PSEN1: variants seen among roughly 807,000 people sequenced by gnomAD.
PSEN1 encodes presenilin-1.
In PSEN1, 15 loss-of-function variants were observed where a neutral mutation model predicts 53.5. That is an observed-to-expected ratio of 0.28 (90% CI 0.19 to 0.43). The LOEUF (loss-of-function observed/expected upper bound fraction) is 0.43. Among genes scored for constraint, PSEN1 ranks in the 20% least tolerant of loss-of-function variants. The probability of loss-of-function intolerance (pLI) is 1.00; values close to 1 mark genes in which losing one functional copy is unlikely to be tolerated. For missense variants in PSEN1, 387 were observed against 571.2 expected, an observed-to-expected ratio of 0.68 and a Z score of 3.29; for synonymous variants, 208 against 209.8, an observed-to-expected ratio of 0.99 and a Z score of 0.08.
At position 73,170,894 on chromosome 14, in the gene PSEN1, T is replaced by C; in HGVS notation, c.185T>C (p.Val62Ala). 1.2e-6 allele frequency: 2 copies of C among 1,613,924 alleles called. No homozygotes were observed. The highest frequency in any genetic ancestry group is 1.7e-6 in the Non-Finnish European group (2 of 1,179,984). ...NGRPQGNSRQ[V>A]VEQDEEEDEE... Reference sequence around the variant, plus strand: ...CGACCCCAGGGTAACTCCCGGCAGGTGGTGGAGCAAGATGAGGAAGAAGAT... The same window carrying C: ...CGACCCCAGGGTAACTCCCGGCAGGCGGTGGAGCAAGATGAGGAAGAAGAT... Residue 62 changes from valine (V) to alanine (A), a missense_variant, in exon 4 of 12, where the codon GTG becomes GCG. Val to Ala is a moderately conservative substitution (Grantham distance 64). Around this residue, in one of 4 missense-constraint regions of PSEN1, gnomAD observed 99 missense variants for 101.5 expected, o/e 0.98. Coordinates refer to ENST00000324501, the MANE Select transcript of PSEN1 (RefSeq NM_000021.4).
intron 7 of PSEN1, among the ~76,000 whole-genome samples, chr14:73,196,474 ATT>A (rs35294154): frequency 4.3e-3 from 435 of 102,244 alleles, no homozygotes; most frequent in African/African-American, 0.015. Context: ...GAGGCATGAA[ATT>A]TTTTTTTTTT....
intron 3 of PSEN1, among the ~76,000 whole-genome samples, chr14:73,167,517 C>T (rs905464206): frequency 6.6e-6 from 1 of 152,092 alleles, no homozygotes; most frequent in Non-Finnish European, 1.5e-5. Flanking sequence ...TCCTCATGAC[C>T]CAGTCACCTC....
chr14:73,169,708 C>T (rs1280621725), intron 3 of PSEN1, among the ~76,000 whole-genome samples: 37 of 151,804 alleles, frequency 2.4e-4, no homozygotes, highest in Admixed American at 2.2e-3. Context: ...CATAGTGGCA[C>T]GATCTCTGCT....
chr14:73,161,936 C>T (rs1160584345), intron 3 of PSEN1, among the ~76,000 whole-genome samples: 2 of 149,922 alleles, frequency 1.3e-5, no homozygotes, highest in African/African-American at 4.9e-5. Context: ...GGGCGGATCA[C>T]CTGAGGTCAG....
intron 3 of PSEN1, among the ~76,000 whole-genome samples, chr14:73,154,033 T>C (rs746575037): frequency 1.1e-4 from 17 of 152,110 alleles, no homozygotes; most frequent in Non-Finnish European, 1.8e-4. Flanking sequence ...CTTACAAATA[T>C]TAATTATTGA....
chr14:73,159,805 A>G (rs1044970601), intron 3 of PSEN1, among the ~76,000 whole-genome samples: 1 of 152,132 alleles, frequency 6.6e-6, no homozygotes, highest in Admixed American at 6.6e-5. Context: ...TTCTGTTTCT[A>G]TAACATGGAC....
chr14:73,141,605 G>A (rs1873841713), intron 1 of PSEN1, among the ~76,000 whole-genome samples: 1 of 151,408 alleles, frequency 6.6e-6, no homozygotes, highest in South Asian at 2.1e-4. Context: ...CATGCTAAAT[G>A]AAACCCCCAT....
chr14:73,167,330 A>G (rs917871864), intron 3 of PSEN1, among the ~76,000 whole-genome samples: 2 of 152,242 alleles, frequency 1.3e-5, no homozygotes, highest in African/African-American at 4.8e-5. Context: ...CTGAGTATCA[A>G]TGTGATGCTC....
At chr14:73,194,600 G>A (rs1438882058) in intron 7 of PSEN1, among the ~76,000 whole-genome samples, 1 of 141,496 alleles carries the variant, frequency 7.1e-6, no homozygotes, top group Non-Finnish European at 1.5e-5. Flanking sequence ...ACGGAGTCTG[G>A]CTCTGTCGCC....
chr14:73,192,973 A>G, intron 7 of PSEN1, 109 bp downstream of exon 7: 3 of 860,524 alleles, frequency 3.5e-6, no homozygotes, highest in South Asian at 1.4e-5. Context: ...TGTACATCCC[A>G]TAACTCTTCA....
chr14:73,209,900 C>A (rs1180548001), intron 9 of PSEN1, among the ~76,000 whole-genome samples: 1 of 152,176 alleles, frequency 6.6e-6, no homozygotes, highest in Non-Finnish European at 1.5e-5. Flanking sequence ...CTTTGTGGGA[C>A]TTTCCCTCAT....
intron 5 of PSEN1, among the ~76,000 whole-genome samples, chr14:73,178,936 T>G (rs1031851562): frequency 1.3e-5 from 2 of 152,138 alleles, no homozygotes; most frequent in Admixed American, 1.3e-4. Flanking sequence ...TATAGTGGTG[T>G]TCTATTTGTA....
intron 4 of PSEN1, among the ~76,000 whole-genome samples, chr14:73,173,211 C>T (rs1322496173): frequency 1.3e-5 from 2 of 152,068 alleles, no homozygotes; most frequent in African/African-American, 4.8e-5. Flanking sequence ...TGTCAGCCCA[C>T]GTGGTTTCTG....
At chr14:73,209,922 T>C (rs925321049) in intron 9 of PSEN1, among the ~76,000 whole-genome samples, 6 of 152,198 alleles carry the variant, frequency 3.9e-5, no homozygotes, top group Non-Finnish European at 5.9e-5. Context: ...TTGCAAGATA[T>C]TTAACATCCC....
chr14:73,170,816 A>AT lies in PSEN1; in HGVS notation c.107_108insT (p.Gln36HisfsTer13). 6.2e-7 allele frequency: 1 copy of AT among 1,614,242 alleles called. No individual in the cohort carries two copies. The highest frequency in any genetic ancestry group is 8.5e-7 in the Non-Finnish European group (1 of 1,180,038). On this transcript the variant is annotated frameshift_variant, in exon 4 of 12. Coordinates refer to ENST00000324501, the MANE Select transcript of PSEN1 (RefSeq NM_000021.4). LOFTEE classifies it high-confidence loss of function. ...TTATAGAATGACAATAGAGAACGGC[A>AT]GGAGCACAACGACAGACGGAGCCTT... is the stretch of plus-strand genomic sequence containing the variant.
At chr14:73,193,791 G>T (rs1353672542) in intron 7 of PSEN1, among the ~76,000 whole-genome samples, 1 of 151,944 alleles carries the variant, frequency 6.6e-6, no homozygotes. Context: ...CAAGTAGCTA[G>T]AACTACAGGT....
rs1897440421 is a variant in PSEN1, at chr14:73,158,665, T to C, written c.87+10559T>C. Among the ~76,000 whole-genome samples the C allele has an allele frequency of 3.3e-5, 5 of 152,192 alleles. No individual in the cohort carries two copies. The South Asian group carries it at 1.0e-3, about 31-fold the overall frequency. ...TTATAGAAGATGGAGTCTTCCTATG[T>C]TTCACAGGCTGATCTTGAACTCCAG... On this transcript the variant is annotated intron_variant, in intron 3 of 11. Coordinates refer to ENST00000324501, the MANE Select transcript of PSEN1 (RefSeq NM_000021.4).
intron 10 of PSEN1, among the ~76,000 whole-genome samples, chr14:73,215,059 C>T (rs1378619930): frequency 6.6e-6 from 1 of 152,032 alleles, no homozygotes; most frequent in Non-Finnish European, 1.5e-5. Context: ...CTCCCAGGTT[C>T]AAGCGATACT....
chr14:73,149,020 T>C (rs8018725), intron 3 of PSEN1, among the ~76,000 whole-genome samples: 19,935 of 151,930 alleles, frequency 0.13, 3,410 homozygotes, highest in African/African-American at 0.4. Flanking sequence ...ACAGTTGGAG[T>C]ATCTATAGGA....
Sources: allele counts gnomAD v4.1 joint callset (sites outside exome capture counted in the v4.1 genomes callset), GRCh38; gene constraint gnomAD v4.1.1; regional missense constraint gnomAD v4.1.1; transcripts MANE v1.5; gene names NCBI Gene and HGNC (gene_info 2026-07-23, HGNC 2026-07-21).